Variants in LINGO2 observed in about 807,000 individuals in gnomAD.
The protein encoded by LINGO2 is leucine-rich repeat and immunoglobulin-like domain-containing nogo receptor-interacting protein 2.
Under a neutral mutation model 30.6 loss-of-function variants are expected in LINGO2, and 14 were observed. The observed-to-expected ratio is 0.46, with a 90% CI of 0.30 to 0.72. LINGO2 has a LOEUF of 0.72. LINGO2 is among the 30% of genes least tolerant of loss of function. The probability of loss-of-function intolerance (pLI) is 0.07; values close to 1 mark genes in which losing one functional copy is unlikely to be tolerated. For missense variants in LINGO2, 729 were observed against 751.7 expected (o/e 0.97, Z 0.35); for synonymous variants, 317 against 288.5 (o/e 1.10, Z -1.00).
At chr9:28,564,300 C>T (rs72713593) in intron 1 of LINGO2, among the ~76,000 whole-genome samples, 14,768 of 152,028 alleles carry the variant, frequency 0.097, 961 homozygotes, top group African/African-American at 0.19. Flanking sequence ...AGATTAGAGT[C>T]ATACATAAGA....
rs191482576 is a variant in LINGO2, at chr9:28,015,913, A to T, written c.-86-3508T>A. 6.5e-3 allele frequency among the ~76,000 whole-genome samples: 976 copies of T among 150,762 alleles called. 10 individuals carry two copies. The highest frequency in any genetic ancestry group is 0.017 in the Middle Eastern group (5 of 290). ...TGGAGAGCAAAGCACTTGAACTCTG[A>T]TTTACAAGAGGAGACCAAATAATCA... On this transcript the variant is annotated intron_variant, in intron 4 of 5. Transcript: ENST00000379992.
At chr9:29,003,178 T>G in the LINGO2 span, among the ~76,000 whole-genome samples, 2 of 152,064 alleles carry the variant, frequency 1.3e-5, no homozygotes, top group South Asian at 4.1e-4. Context: ...GACATCCTGA[T>G]TTCAGACATC....
chr9:28,330,597 G>GAATA (rs1825383652), intron 3 of LINGO2, among the ~76,000 whole-genome samples: 1 of 152,028 alleles, frequency 6.6e-6, no homozygotes, highest in Non-Finnish European at 1.5e-5. Context: ...AGAATTATAC[G>GAATA]AATAAATAAA....
intron 4 of LINGO2, among the ~76,000 whole-genome samples, chr9:28,254,714 C>T (rs1822322418): frequency 2.0e-5 from 3 of 152,010 alleles, no homozygotes; most frequent in African/African-American, 7.2e-5. Flanking sequence ...TTTCAGAAGG[C>T]TCTCACTCAA....
chr9:29,108,697 A>G, the LINGO2 span, among the ~76,000 whole-genome samples: 2 of 152,222 alleles, frequency 1.3e-5, no homozygotes, highest in Non-Finnish European at 2.9e-5. Flanking sequence ...AAAGGGAAAC[A>G]TTCTAGAATT....
intron 2 of LINGO2, among the ~76,000 whole-genome samples, chr9:28,467,977 A>G (rs1825378017): frequency 6.6e-6 from 1 of 152,190 alleles, no homozygotes; most frequent in African/African-American, 2.4e-5. Context: ...TACATTCACA[A>G]TGTATTTTGT....
At chr9:28,360,988 C>T (rs1003928668) in intron 3 of LINGO2, among the ~76,000 whole-genome samples, 11 of 152,308 alleles carry the variant, frequency 7.2e-5, no homozygotes, top group Admixed American at 5.9e-4. Flanking sequence ...TGGTCAACAG[C>T]TGTCCAAAAA....
At position 28,245,723 on chromosome 9, in the gene LINGO2, A is replaced by G. The variant is rs151167054; in HGVS notation, c.-87+49485T>C. ...TACAAAGAGAATAAAATACCTAGGAATATAGCTAAGAAGGGATGTGGAGAA... is the reference window on the plus strand; with the variant it reads ...TACAAAGAGAATAAAATACCTAGGAGTATAGCTAAGAAGGGATGTGGAGAA... On this transcript the variant is annotated intron_variant, in intron 4 of 5. Coordinates refer to ENST00000379992, the Ensembl canonical transcript of LINGO2. Among the ~76,000 whole-genome samples, 456 of 149,194 alleles carry G rather than the reference A, an allele frequency of 3.1e-3. 10 individuals are homozygous for G. In the East Asian group the frequency reaches 0.047, roughly 16 times the overall value.
At chr9:28,476,574 C>T (rs905101489) in intron 1 of LINGO2, among the ~76,000 whole-genome samples, 2 of 152,192 alleles carry the variant, frequency 1.3e-5, no homozygotes, top group Non-Finnish European at 2.9e-5. Context: ...CGCGCCCGGC[C>T]TATTTTCTTG....
the LINGO2 span, among the ~76,000 whole-genome samples, chr9:28,924,112 G>A: frequency 3.6e-3 from 551 of 152,214 alleles, 2 homozygotes; most frequent in African/African-American, 0.013. Context: ...TAAGCATCTT[G>A]GCACGTGCCC....
At chr9:28,944,814 G>T in the LINGO2 span, among the ~76,000 whole-genome samples, 1 of 152,138 alleles carries the variant, frequency 6.6e-6, no homozygotes, top group Non-Finnish European at 1.5e-5. Context: ...ATTGGTGAAA[G>T]TCAATAAGCA....
chr9:28,218,033 G>A (rs2133885048), intron 4 of LINGO2, among the ~76,000 whole-genome samples: 1 of 151,156 alleles, frequency 6.6e-6, no homozygotes, highest in East Asian at 1.9e-4. Flanking sequence ...TTTGGAAAGG[G>A]ACAGAGATGA....
chr9:28,466,547 C>T (rs1825311187), intron 2 of LINGO2, among the ~76,000 whole-genome samples: 3 of 152,006 alleles, frequency 2.0e-5, no homozygotes, highest in Non-Finnish European at 4.4e-5. Flanking sequence ...ATCAGTGTCA[C>T]TATTGTCAGT....
chr9:28,455,636 T>G (rs1028976700), intron 2 of LINGO2, among the ~76,000 whole-genome samples: 3 of 152,144 alleles, frequency 2.0e-5, no homozygotes, highest in Admixed American at 6.6e-5. Flanking sequence ...TTTGTAAATC[T>G]ATGCTCTCGT....
chr9:28,322,086 G>A (rs554886293), intron 3 of LINGO2, among the ~76,000 whole-genome samples: 5 of 152,164 alleles, frequency 3.3e-5, no homozygotes, highest in South Asian at 4.2e-4. Flanking sequence ...ATTTTGTCTT[G>A]TAGTATTCTC....
the LINGO2 span, among the ~76,000 whole-genome samples, chr9:28,944,387 C>A: frequency 6.6e-6 from 1 of 152,036 alleles, no homozygotes; most frequent in East Asian, 1.9e-4. Flanking sequence ...TATCTACATA[C>A]CTAAAATGCT....
chr9:28,875,831 C>G, the LINGO2 span, among the ~76,000 whole-genome samples: 1 of 151,932 alleles, frequency 6.6e-6, no homozygotes, highest in African/African-American at 2.4e-5. Context: ...TTTAACATAC[C>G]TCTGGTTTTT....
chr9:27,976,063 A>G (rs1820578547), intron 5 of LINGO2, among the ~76,000 whole-genome samples: 2 of 152,226 alleles, frequency 1.3e-5, no homozygotes, highest in African/African-American at 4.8e-5. Flanking sequence ...ATGAATTAAA[A>G]TGGGGCAGTT....
the LINGO2 span, among the ~76,000 whole-genome samples, chr9:29,129,315 A>G: frequency 6.6e-6 from 1 of 152,192 alleles, no homozygotes; most frequent in Non-Finnish European, 1.5e-5. Context: ...TCCAAAAGTA[A>G]TCTAGATAAA....
Sources: gnomAD v4.1 joint callset for allele counts (sites outside exome capture counted in the v4.1 genomes callset) on GRCh38, gnomAD v4.1.1 for gene constraint, MANE v1.5 for transcripts, NCBI Gene and HGNC (gene_info 2026-07-23, HGNC 2026-07-21) for gene names.